The following GLRX3 variants were observed in gnomAD, a reference collection of about 807,000 sequenced individuals.
The protein encoded by GLRX3 is glutaredoxin-3.
A neutral mutation model predicts 49.5 loss-of-function variants in GLRX3; 22 were observed. The ratio of observed to expected loss-of-function variants is 0.44; its 90% confidence interval spans 0.32 to 0.63. The LOEUF is 0.63. GLRX3 is among the 30% of genes least tolerant of loss of function. The pLI, the probability that GLRX3 is intolerant of heterozygous loss-of-function variation, is 0.05. For synonymous variants in GLRX3, 133 were observed against 140.0 expected (o/e 0.95, Z 0.35); for missense variants, 385 against 396.3 (o/e 0.97, Z 0.24).
chr10:130,148,283 C>T (rs2134880653), intron 2 of GLRX3, among the ~76,000 whole-genome samples: 1 of 152,030 alleles, frequency 6.6e-6, no homozygotes, highest in Middle Eastern at 3.4e-3. Flanking sequence ...TAGGTGTACA[C>T]CCCTGCCCAG....
chr10:130,170,861 C>T (rs1367415390), intron 7 of GLRX3, among the ~76,000 whole-genome samples: 3 of 152,038 alleles, frequency 2.0e-5, no homozygotes, highest in Admixed American at 6.6e-5. Context: ...AGGCTGGATG[C>T]GGTAGCTCAT....
chr10:130,166,598 A>G lies in GLRX3; in HGVS notation c.570A>G (p.Gly190=). The G allele has an allele frequency of 6.2e-7, 1 of 1,609,680 alleles. No individual in the cohort carries two copies. The highest frequency in any genetic ancestry group is 1.1e-5 in the South Asian group (1 of 91,020). The change falls in exon 5 of 11, where the codon GGA becomes GGG. Residue 190 remains glycine, a synonymous_variant. Transcript: ENST00000331244. ...TCTCAGATGAAGAGGTTCGACAGGG[A>G]CTCAAAGCCTATTCCAGTTGGCCTA... ...DIFSDEEVRQ[G]LKAYSSWPTY... is the part of the protein sequence containing the mutation.
intron 2 of GLRX3, among the ~76,000 whole-genome samples, chr10:130,152,121 C>T (rs916667952): frequency 3.9e-5 from 6 of 151,976 alleles, no homozygotes; most frequent in Admixed American, 1.3e-4. Flanking sequence ...CAGGTTCAAG[C>T]GATTCTCCTG....
intron 1 of GLRX3, among the ~76,000 whole-genome samples, chr10:130,144,685 C>T (rs1474351651): frequency 6.6e-6 from 1 of 152,190 alleles, no homozygotes; most frequent in Non-Finnish European, 1.5e-5. Flanking sequence ...ATATGTGCCA[C>T]ATTTCCTTTA....
At chr10:130,137,260 G>A (rs1322570673) in intron 1 of GLRX3, among the ~76,000 whole-genome samples, 1 of 152,232 alleles carries the variant, frequency 6.6e-6, no homozygotes, top group Non-Finnish European at 1.5e-5. Context: ...AGGAGATCCA[G>A]AGGAATGCAT....
chr10:130,163,481 T>C (rs927751567), intron 4 of GLRX3, among the ~76,000 whole-genome samples: 2 of 152,198 alleles, frequency 1.3e-5, no homozygotes, highest in African/African-American at 4.8e-5. Context: ...GTTATTTAAT[T>C]AATAAAAGAC....
intron 4 of GLRX3, among the ~76,000 whole-genome samples, chr10:130,166,237 CA>C (rs1416853181): frequency 5.4e-4 from 81 of 150,468 alleles, no homozygotes; most frequent in African/African-American, 2.0e-3. Flanking sequence ...AATAAATACA[CA>C]CACCACTTTT....
At chr10:130,165,716 T>C (rs905777795) in intron 4 of GLRX3, among the ~76,000 whole-genome samples, 1 of 152,222 alleles carries the variant, frequency 6.6e-6, no homozygotes, top group African/African-American at 2.4e-5. Flanking sequence ...GATTGAGAAC[T>C]ACTGAAGTGG....
intron 7 of GLRX3, 48 bp from the exon 8 acceptor site, chr10:130,171,536 C>T: frequency 1.0e-6 from 1 of 979,958 alleles, no homozygotes; most frequent in Non-Finnish European, 1.7e-6. Flanking sequence ...AACCATGCTG[C>T]TTGGGTCATA....
chr10:130,174,967 A>G (rs1330926418), intron 9 of GLRX3, 30 bp from the exon 10 acceptor site: 1 of 1,573,888 alleles, frequency 6.4e-7, no homozygotes, highest in East Asian at 2.2e-5. Flanking sequence ...GCCTGATAGG[A>G]TGGTTTCAGG....
At chr10:130,153,266 T>G (rs1450139507) in intron 2 of GLRX3, among the ~76,000 whole-genome samples, 1 of 152,186 alleles carries the variant, frequency 6.6e-6, no homozygotes, top group Non-Finnish European at 1.5e-5. Context: ...TAGGAGAAGT[T>G]TGTTATTACC....
chr10:130,164,196 C>T (rs1862637311), intron 4 of GLRX3, among the ~76,000 whole-genome samples: 1 of 151,918 alleles, frequency 6.6e-6, no homozygotes, highest in South Asian at 2.1e-4. Context: ...TAGATAGGGT[C>T]TCAGTTGAAA....
At chr10:130,161,874 C>T (rs561595578) in intron 4 of GLRX3, among the ~76,000 whole-genome samples, 5 of 152,252 alleles carry the variant, frequency 3.3e-5, no homozygotes, top group Non-Finnish European at 7.3e-5. Flanking sequence ...ATAAAGATAG[C>T]CAAGCTTCTA....
At chr10:130,167,773 TTAA>T (rs1465260380) in intron 6 of GLRX3, among the ~76,000 whole-genome samples, 1 of 152,220 alleles carries the variant, frequency 6.6e-6, no homozygotes, top group Non-Finnish European at 1.5e-5. Context: ...CTGTCGTTAA[TTAA>T]TAATTTCTAT....
chr10:130,174,972 T>A, intron 9 of GLRX3, 25 bp from the exon 10 acceptor site: 4 of 1,577,336 alleles, frequency 2.5e-6, no homozygotes, highest in South Asian at 1.1e-5. Flanking sequence ...ATAGGATGGT[T>A]TCAGGATTCC....
At position 130,169,457 on chromosome 10, in the gene GLRX3, T is replaced by C. The variant is rs1862760980; in HGVS notation, c.738T>C (p.Ala246=). The C allele has an allele frequency of 9.9e-6, 16 of 1,611,838 alleles. No individual in the cohort carries two copies. Among genetic ancestry groups the C allele is most frequent in the Non-Finnish European group, 1.4e-5 (16 of 1,177,882 alleles). ...GGCTCAAAGTGCTGACAAATAAAGC[T>C]TCTGTGATGCTCTTTATGAAAGGAA... ...EERLKVLTNK[A]SVMLFMKGNK... is the part of the protein sequence containing the mutation. The change falls in exon 7 of 11, where the codon GCT becomes GCC. Residue 246 remains alanine (A), a synonymous_variant. Coordinates refer to ENST00000331244, the MANE Select transcript of GLRX3 (RefSeq NM_006541.5).
chr10:130,164,138 T>C (rs1294404458), intron 4 of GLRX3, among the ~76,000 whole-genome samples: 7 of 152,296 alleles, frequency 4.6e-5, no homozygotes, highest in Middle Eastern at 6.8e-3. Flanking sequence ...TTATCCTTCA[T>C]GTGGGCTCTA....
intron 2 of GLRX3, among the ~76,000 whole-genome samples, chr10:130,159,447 C>G (rs866928959): frequency 1.3e-5 from 2 of 152,314 alleles, no homozygotes; most frequent in East Asian, 3.9e-4. Flanking sequence ...AGCAAGATAT[C>G]TGCCTAGTGT....
At chr10:130,170,654 C>G (rs568474336) in intron 7 of GLRX3, among the ~76,000 whole-genome samples, 2 of 151,950 alleles carry the variant, frequency 1.3e-5, no homozygotes, top group African/African-American at 4.8e-5. Context: ...TATTTATTCT[C>G]AAAACTATTT....
Sources: gnomAD v4.1 joint callset for allele counts (sites outside exome capture counted in the v4.1 genomes callset) on GRCh38, gnomAD v4.1.1 for gene constraint, MANE v1.5 for transcripts, NCBI Gene and HGNC (gene_info 2026-07-23, HGNC 2026-07-21) for gene names.